Variants in SPATA17 observed in about 807,000 individuals in gnomAD.
SPATA17 encodes spermatogenesis-associated protein 17.
Under a neutral mutation model 62.2 loss-of-function variants are expected in SPATA17, and 53 were observed. The ratio of observed to expected loss-of-function variants is 0.85; its 90% CI spans 0.68 to 1.07. The LOEUF (loss-of-function observed/expected upper bound fraction) is 1.07, where lower values mean the gene tolerates loss of function less well. Among genes scored for constraint, SPATA17 ranks in the 50% least tolerant of loss-of-function variants. The pLI, the probability that SPATA17 is intolerant of heterozygous loss-of-function variation, is 0.00. For missense variants in SPATA17, 466 were observed against 425.5 expected, an observed-to-expected ratio of 1.10 and a Z score of -0.84; for synonymous variants, 146 against 146.8, an observed-to-expected ratio of 0.99 and a Z score of 0.04.
chr1:217,757,123 G>A (rs140682266), intron 6 of SPATA17, among the ~76,000 whole-genome samples: 147 of 152,262 alleles, frequency 9.7e-4, no homozygotes, highest in Non-Finnish European at 1.8e-3. Context: ...CATGATATTT[G>A]CCAAAGTGCT....
chr1:217,721,287 A>T (rs1672121484), intron 5 of SPATA17, among the ~76,000 whole-genome samples: 1 of 152,110 alleles, frequency 6.6e-6, no homozygotes, highest in African/African-American at 2.4e-5. Flanking sequence ...CTCTAAGATG[A>T]CCTATGAATG....
At chr1:217,778,575 A>G (rs1673654951) in intron 7 of SPATA17, among the ~76,000 whole-genome samples, 1 of 152,110 alleles carries the variant, frequency 6.6e-6, no homozygotes, top group Non-Finnish European at 1.5e-5. Flanking sequence ...TTGTATAGCT[A>G]TTGGTACTAC....
intron 9 of SPATA17, among the ~76,000 whole-genome samples, chr1:217,815,999 A>T (rs1674704839): frequency 6.6e-6 from 1 of 152,136 alleles, no homozygotes; most frequent in African/African-American, 2.4e-5. Context: ...AAGCAGAATG[A>T]ACAAAAAAGT....
chr1:217,712,560 C>A (rs1445932538), intron 5 of SPATA17, among the ~76,000 whole-genome samples: 1 of 152,038 alleles, frequency 6.6e-6, no homozygotes, highest in African/African-American at 2.4e-5. Context: ...TTTTCTGCCC[C>A]CTCCTCCAGC....
At chr1:217,772,326 G>T (rs919675936) in intron 6 of SPATA17, among the ~76,000 whole-genome samples, 1 of 152,094 alleles carries the variant, frequency 6.6e-6, no homozygotes, top group African/African-American at 2.4e-5. Flanking sequence ...TTTCCACACA[G>T]TGTTTTTCTT....
chr1:217,781,580 T>A (rs1673727945), intron 7 of SPATA17, among the ~76,000 whole-genome samples: 1 of 152,178 alleles, frequency 6.6e-6, no homozygotes, highest in African/African-American at 2.4e-5. Context: ...CATCAAAAGG[T>A]TGCTATTGGT....
intron 9 of SPATA17, among the ~76,000 whole-genome samples, chr1:217,808,685 C>T (rs1674505695): frequency 6.6e-6 from 1 of 151,970 alleles, no homozygotes; most frequent in African/African-American, 2.4e-5. Context: ...AACCCTGTCT[C>T]TACTAAAAAT....
chr1:217,833,081 T>G (rs1482940878), intron 9 of SPATA17, among the ~76,000 whole-genome samples: 1 of 152,172 alleles, frequency 6.6e-6, no homozygotes, highest in Non-Finnish European at 1.5e-5. Context: ...ATATTTTAAA[T>G]TTCTGTAGAT....
chr1:217,749,979 CTCTCTCTATATA>C (rs1365918538), intron 6 of SPATA17, among the ~76,000 whole-genome samples: 41 of 30,910 alleles, frequency 1.3e-3, no homozygotes, highest in African/African-American at 4.8e-3. Context: ...CTCTCTCTCT[CTCTCTCTATATA>C]TATATATATA....
chr1:217,754,974 T>C (rs1473365421), intron 6 of SPATA17, among the ~76,000 whole-genome samples: 1 of 152,118 alleles, frequency 6.6e-6, no homozygotes, highest in Admixed American at 6.5e-5. Context: ...GTCATTAAGG[T>C]CACTGTTAAG....
At chr1:217,690,101 C>A (rs1247692939) in intron 5 of SPATA17, among the ~76,000 whole-genome samples, 2 of 152,114 alleles carry the variant, frequency 1.3e-5, no homozygotes, top group Non-Finnish European at 2.9e-5. Flanking sequence ...CAGGGTTTCA[C>A]CATATTGGTC....
At chr1:217,632,537 C>A (rs1041569404) in intron 1 of SPATA17, among the ~76,000 whole-genome samples, 1 of 152,184 alleles carries the variant, frequency 6.6e-6, no homozygotes, top group Non-Finnish European at 1.5e-5. Flanking sequence ...TCACAACGTA[C>A]CTCTCTTACA....
intron 5 of SPATA17, among the ~76,000 whole-genome samples, chr1:217,720,690 A>G (rs1672106228): frequency 6.6e-6 from 1 of 152,236 alleles, no homozygotes; most frequent in Admixed American, 6.5e-5. Context: ...AACATAATTT[A>G]CAAAAACATA....
intron 5 of SPATA17, among the ~76,000 whole-genome samples, chr1:217,734,793 A>G (rs575820747): frequency 1.3e-4 from 20 of 152,290 alleles, no homozygotes; most frequent in African/African-American, 3.4e-4. Flanking sequence ...TGTGAAGTAC[A>G]TATTGTGTCT....
intron 9 of SPATA17, among the ~76,000 whole-genome samples, chr1:217,815,379 G>C (rs958263035): frequency 1.3e-5 from 2 of 152,134 alleles, no homozygotes; most frequent in African/African-American, 2.4e-5. Flanking sequence ...TGGAGAATTC[G>C]AATGGATATT....
At chr1:217,657,989 A>C (rs1670479530) in intron 3 of SPATA17, among the ~76,000 whole-genome samples, 1 of 152,210 alleles carries the variant, frequency 6.6e-6, no homozygotes, top group South Asian at 2.1e-4. Flanking sequence ...TAAAACCATC[A>C]GATCTTGTGA....
chr1:217,660,138 A>G (rs1670534542), intron 3 of SPATA17, among the ~76,000 whole-genome samples: 3 of 152,244 alleles, frequency 2.0e-5, no homozygotes, highest in South Asian at 4.1e-4. Context: ...TCACTCTAAC[A>G]TGCCTCTCAT....
At chr1:217,685,974 T>C (rs1247544280) in intron 5 of SPATA17, among the ~76,000 whole-genome samples, 1 of 152,184 alleles carries the variant, frequency 6.6e-6, no homozygotes, top group Non-Finnish European at 1.5e-5. Flanking sequence ...TTACTGTGCC[T>C]AATTTATAAA....
intron 4 of SPATA17, among the ~76,000 whole-genome samples, chr1:217,676,786 CT>C (rs1435381117): frequency 5.9e-5 from 9 of 151,940 alleles, no homozygotes; most frequent in African/African-American, 1.9e-4. Context: ...AGAGATCTCT[CT>C]TATAAAATGA....
Sources: allele counts gnomAD v4.1 joint callset (sites outside exome capture counted in the v4.1 genomes callset), GRCh38; gene constraint gnomAD v4.1.1; transcripts MANE v1.5; gene names NCBI Gene and HGNC (gene_info 2026-07-23, HGNC 2026-07-21).